Variants in NTRK3 observed in about 807,000 individuals in gnomAD.
The protein encoded by NTRK3 is neurotrophic receptor tyrosine kinase 3.
A neutral mutation model predicts 91.7 loss-of-function variants in NTRK3; 24 were observed. The observed-to-expected ratio is 0.26, with a 90% CI of 0.19 to 0.37. The LOEUF is 0.37. NTRK3 is among the 10% of genes least tolerant of loss of function. The pLI, the probability that NTRK3 is intolerant of heterozygous loss-of-function variation, is 1.00. For missense variants in NTRK3, 880 were observed against 1,068.9 expected (o/e 0.82, Z 2.46); for synonymous variants, 483 against 404.0 (o/e 1.20, Z -2.34).
chr15:87,941,111 G>A (rs114327762), intron 14 of NTRK3, among the ~76,000 whole-genome samples: 78 of 152,154 alleles, frequency 5.1e-4, no homozygotes, highest in African/African-American at 1.8e-3. Flanking sequence ...GAATCCCCTG[G>A]GAATCTTGTC....
At chr15:88,209,833 C>T (rs1003648997) in intron 3 of NTRK3, 2 of 152,282 alleles carry the variant, frequency 1.3e-5, no homozygotes, top group African/African-American at 4.8e-5. Flanking sequence ...GGCAAAGGGT[C>T]CTGGGAGATG....
chr15:88,250,091 G>A (rs887168196), intron 3 of NTRK3, among the ~76,000 whole-genome samples: 7 of 152,204 alleles, frequency 4.6e-5, no homozygotes, highest in African/African-American at 1.2e-4. Flanking sequence ...CTCTGGGGCC[G>A]TAAGTATTCC....
At chr15:87,908,692 GTGTC>G (rs2066915226) in intron 17 of NTRK3, 2 of 395,716 alleles carry the variant, frequency 5.1e-6, no homozygotes, top group Admixed American at 8.8e-5. Flanking sequence ...ACTGAATGGC[GTGTC>G]TCTCCTGGGC....
chr15:87,944,552 CTT>C (rs1369078010), intron 14 of NTRK3, among the ~76,000 whole-genome samples: 1 of 152,208 alleles, frequency 6.6e-6, no homozygotes, highest in East Asian at 1.9e-4. Flanking sequence ...GAAGGACTCT[CTT>C]GTTTATGACT....
At chr15:88,018,904 A>AT (rs1050983754) in intron 14 of NTRK3, among the ~76,000 whole-genome samples, 15 of 151,930 alleles carry the variant, frequency 9.9e-5, no homozygotes, top group African/African-American at 2.9e-4. Context: ...GCATTTCTTT[A>AT]TTTTTTTACT....
At chr15:88,170,505 C>T (rs2045405414) in intron 5 of NTRK3, among the ~76,000 whole-genome samples, 1 of 152,234 alleles carries the variant, frequency 6.6e-6, no homozygotes, top group African/African-American at 2.4e-5. Flanking sequence ...CAACATTGTT[C>T]ACTCTGTCCT....
At chr15:88,073,913 T>A (rs891389280) in intron 13 of NTRK3, among the ~76,000 whole-genome samples, 2 of 152,204 alleles carry the variant, frequency 1.3e-5, no homozygotes, top group Non-Finnish European at 2.9e-5. Flanking sequence ...TTTCTTTGTT[T>A]GTTTCTTTGT....
At chr15:87,918,120 T>C (rs1217177600) in intron 17 of NTRK3, among the ~76,000 whole-genome samples, 1 of 152,166 alleles carries the variant, frequency 6.6e-6, no homozygotes, top group Non-Finnish European at 1.5e-5. Flanking sequence ...TGGATTCTAA[T>C]GGCTTCTCTT....
chr15:87,890,947 T>C (rs977063137), intron 17 of NTRK3, among the ~76,000 whole-genome samples: 3 of 152,160 alleles, frequency 2.0e-5, no homozygotes, highest in Non-Finnish European at 4.4e-5. Flanking sequence ...AAAAATTTCT[T>C]AAGAGAAAAA....
intron 13 of NTRK3, among the ~76,000 whole-genome samples, chr15:88,098,218 C>CA (rs1194259185): frequency 6.6e-6 from 1 of 152,156 alleles, no homozygotes; most frequent in African/African-American, 2.4e-5. Flanking sequence ...AATCACACCC[C>CA]ACCACGGAAG....
At chr15:87,912,759 G>C (rs1436171059) in intron 17 of NTRK3, among the ~76,000 whole-genome samples, 1 of 150,076 alleles carries the variant, frequency 6.7e-6, no homozygotes, top group East Asian at 2.0e-4. Flanking sequence ...ATTTCATCCA[G>C]ACGTTTATCA....
intron 17 of NTRK3, among the ~76,000 whole-genome samples, chr15:87,908,831 TCATGACACCACTCCCAGCA>T (rs1487212004): frequency 6.6e-6 from 1 of 151,944 alleles, no homozygotes; most frequent in Non-Finnish European, 1.5e-5. Flanking sequence ...CACCAGCACA[TCATGACACCACTCCCAGCA>T]CATGACACCC....
At chr15:88,127,297 C>A in intron 11 of NTRK3, 71 bp from the exon 12 acceptor site, 2 of 1,280,506 alleles carry the variant, frequency 1.6e-6, no homozygotes, top group South Asian at 1.2e-5. Context: ...ACAGTCCCTG[C>A]CCAACTCCCA....
chr15:88,075,215 C>T (rs2047432001), intron 13 of NTRK3, among the ~76,000 whole-genome samples: 1 of 152,214 alleles, frequency 6.6e-6, no homozygotes, highest in Non-Finnish European at 1.5e-5. Context: ...CTGGCTCCTG[C>T]ATGCTGGGCC....
rs147736031 is a variant in NTRK3 at position 87,936,364 on chromosome 15, G to A, written c.1717-3180C>T. ...TTCCCTTTCTTATCTTCCCCTCTACGTGCATCAGCTGTCATGTCCACTCTG... is the reference window on the plus strand; with the variant it reads ...TTCCCTTTCTTATCTTCCCCTCTACATGCATCAGCTGTCATGTCCACTCTG... On this transcript the variant is annotated intron_variant, in intron 15 of 18. Transcript: ENST00000394480. Among the ~76,000 whole-genome samples, 388 of 151,916 alleles carry A rather than the reference G, an allele frequency of 2.6e-3. 2 individuals are homozygous for A. Among genetic ancestry groups the A allele is most frequent in the African/African-American group, 8.9e-3 (368 of 41,394 alleles).
At chr15:88,046,475 C>T (rs142003859) in intron 13 of NTRK3, among the ~76,000 whole-genome samples, 125 of 152,246 alleles carry the variant, frequency 8.2e-4, no homozygotes, top group African/African-American at 2.9e-3. Context: ...GTTACAGGTG[C>T]GCTCAGGACA....
chr15:88,073,219 G>A (rs567035619), intron 13 of NTRK3, among the ~76,000 whole-genome samples: 1 of 152,332 alleles, frequency 6.6e-6, no homozygotes, highest in South Asian at 2.1e-4. Context: ...ACAATTGGAA[G>A]AGAAACTCTG....
chr15:88,014,627 A>AT (rs1174040346), intron 14 of NTRK3, among the ~76,000 whole-genome samples: 1 of 152,228 alleles, frequency 6.6e-6, no homozygotes, highest in African/African-American at 2.4e-5. Flanking sequence ...CTAACTGGTG[A>AT]TAAAACCAAG....
At chr15:88,072,301 G>T (rs967767485) in intron 13 of NTRK3, 2 of 186,372 alleles carry the variant, frequency 1.1e-5, no homozygotes, top group Admixed American at 6.2e-5. Flanking sequence ...ACCGCGCCTG[G>T]CCCCAAACAT....
Sources: gnomAD v4.1 joint callset for allele counts (sites outside exome capture counted in the v4.1 genomes callset) on GRCh38, gnomAD v4.1.1 for gene constraint, MANE v1.5 for transcripts, NCBI Gene and HGNC (gene_info 2026-07-23, HGNC 2026-07-21) for gene names.